MECOM: variants seen among roughly 807,000 people sequenced by gnomAD.
MECOM encodes MDS1 and EVI1 complex locus.
A neutral mutation model predicts 116.3 loss-of-function variants in MECOM; 13 were observed. That is an observed-to-expected ratio of 0.11 (90% CI 0.07 to 0.18). The LOEUF (loss-of-function observed/expected upper bound fraction) is 0.18. Ranked by LOEUF, MECOM falls within the 10% of genes least tolerant of loss-of-function variation. The pLI, the probability that MECOM is intolerant of heterozygous loss-of-function variation, is 1.00. For missense variants in MECOM, 1,299 were observed against 1,509.0 expected, an observed-to-expected ratio of 0.86 and a Z score of 2.31; for synonymous variants, 528 against 535.2, an observed-to-expected ratio of 0.99 and a Z score of 0.19.
chr3:169,226,675 T>C (rs1752765023), intron 2 of MECOM, among the ~76,000 whole-genome samples: 1 of 152,206 alleles, frequency 6.6e-6, no homozygotes, highest in African/African-American at 2.4e-5. Context: ...TGTAGATGTA[T>C]TCTCTTTGTT....
At chr3:169,570,576 T>C (rs1048805731) in intron 1 of MECOM, among the ~76,000 whole-genome samples, 1 of 152,128 alleles carries the variant, frequency 6.6e-6, no homozygotes, top group African/African-American at 2.4e-5. Context: ...TGAACATCAA[T>C]GTGAAAATCC....
chr3:169,651,705 C>A (rs1439004551), intron 1 of MECOM, among the ~76,000 whole-genome samples: 1 of 151,884 alleles, frequency 6.6e-6, no homozygotes, highest in South Asian at 2.1e-4. Context: ...ATGATGGGTG[C>A]ACCAAAATCT....
At chr3:169,586,042 AC>A (rs1174290783) in intron 1 of MECOM, among the ~76,000 whole-genome samples, 13 of 152,344 alleles carry the variant, frequency 8.5e-5, no homozygotes, top group African/African-American at 2.9e-4. Context: ...AACAGAGAAA[AC>A]ATTTAAGATC....
chr3:169,553,724 CT>C (rs1294243190), intron 1 of MECOM, among the ~76,000 whole-genome samples: 1 of 152,208 alleles, frequency 6.6e-6, no homozygotes, highest in Non-Finnish European at 1.5e-5. Context: ...TGCGGCCTCT[CT>C]TATTGGCTTG....
chr3:169,190,409 T>G (rs951894809), intron 2 of MECOM, among the ~76,000 whole-genome samples: 1 of 152,040 alleles, frequency 6.6e-6, no homozygotes, highest in Non-Finnish European at 1.5e-5. Context: ...TCCTATTTTA[T>G]GATCTATATC....
chr3:169,320,652 G>A (rs7635792), intron 2 of MECOM, among the ~76,000 whole-genome samples: 53,232 of 152,106 alleles, frequency 0.35, 9,642 homozygotes, highest in Admixed American at 0.49. Flanking sequence ...TCAAGAAAAC[G>A]TCCTAGAATT....
At chr3:169,555,862 G>A (rs1362778) in intron 1 of MECOM, among the ~76,000 whole-genome samples, 33,354 of 152,024 alleles carry the variant, frequency 0.22, 4,693 homozygotes, top group East Asian at 0.7. Flanking sequence ...TCACCCTGGC[G>A]GACTGGCATT....
intron 2 of MECOM, among the ~76,000 whole-genome samples, chr3:169,170,440 C>T (rs1473272027): frequency 2.7e-5 from 4 of 150,528 alleles, no homozygotes; most frequent in East Asian, 1.9e-4. Context: ...CAAAGCTAAG[C>T]GTCTGCATTC....
intron 2 of MECOM, among the ~76,000 whole-genome samples, chr3:169,173,511 A>G (rs1404627688): frequency 6.6e-6 from 1 of 152,166 alleles, no homozygotes; most frequent in East Asian, 1.9e-4. Flanking sequence ...CAACTCTGAA[A>G]ACATTTTGTG....
intron 1 of MECOM, 32 bp downstream of exon 1, chr3:169,663,304 A>G (rs746554085): frequency 1.9e-6 from 3 of 1,594,590 alleles, no homozygotes; most frequent in African/African-American, 1.3e-5. Context: ...GAGGAGGGGG[A>G]AAAGCCAATA....
intron 1 of MECOM, among the ~76,000 whole-genome samples, chr3:169,526,713 G>A (rs1758005956): frequency 2.6e-5 from 4 of 151,812 alleles, no homozygotes; most frequent in Admixed American, 1.3e-4. Flanking sequence ...ACTTTTCAAT[G>A]TTTAAACTTG....
chr3:169,534,417 T>C (rs186320421), intron 1 of MECOM, among the ~76,000 whole-genome samples: 93 of 152,280 alleles, frequency 6.1e-4, no homozygotes, highest in African/African-American at 2.2e-3. Flanking sequence ...CCCAGGACAG[T>C]TCCTGTTTAC....
intron 2 of MECOM, chr3:169,145,950 C>G: frequency 4.6e-6 from 1 of 217,796 alleles, no homozygotes; most frequent in East Asian, 6.9e-5. Context: ...AAGACAAAAG[C>G]TTAGCTTTCT....
At chr3:169,116,767 C>T in intron 7 of MECOM, 28 bp from the exon 8 acceptor site, 1 of 1,547,946 alleles carries the variant, frequency 6.5e-7, no homozygotes, top group Non-Finnish European at 8.7e-7. Flanking sequence ...AAAAGAATCT[C>T]AGGCTTTATG....
At chr3:169,653,012 T>TAACAATATAACAATAACAATCAG (rs1775101820) in intron 1 of MECOM, among the ~76,000 whole-genome samples, 1 of 152,094 alleles carries the variant, frequency 6.6e-6, no homozygotes, top group South Asian at 2.1e-4. Context: ...AATAACAATT[T>TAACAATATAACAATAACAATCAG]GTGATTTAAG....
At chr3:169,512,228 AT>A (rs1408396171) in intron 1 of MECOM, among the ~76,000 whole-genome samples, 1 of 152,104 alleles carries the variant, frequency 6.6e-6, no homozygotes, top group African/African-American at 2.4e-5. Context: ...CTCCTCCCTC[AT>A]CCCCCAACCA....
At chr3:169,158,303 T>C (rs1400525896) in intron 2 of MECOM, among the ~76,000 whole-genome samples, 2 of 152,170 alleles carry the variant, frequency 1.3e-5, no homozygotes, top group African/African-American at 2.4e-5. Context: ...CTTCATAAAA[T>C]ATATTTTGCT....
At chr3:169,104,844 ATTACT>A (rs1392375777) in intron 10 of MECOM, among the ~76,000 whole-genome samples, 2 of 152,218 alleles carry the variant, frequency 1.3e-5, no homozygotes, top group East Asian at 1.9e-4. Context: ...GATCACTGTG[ATTACT>A]TTACCTCAAA....
At chr3:169,212,214 T>C (rs1007396875) in intron 2 of MECOM, among the ~76,000 whole-genome samples, 5 of 152,018 alleles carry the variant, frequency 3.3e-5, no homozygotes, top group Non-Finnish European at 7.4e-5. Flanking sequence ...GATCGCTTAA[T>C]GCAGCAGCAT....
Sources: gnomAD v4.1 joint callset for allele counts (sites outside exome capture counted in the v4.1 genomes callset) on GRCh38, gnomAD v4.1.1 for gene constraint, MANE v1.5 for transcripts, NCBI Gene and HGNC (gene_info 2026-07-23, HGNC 2026-07-21) for gene names.